GABBR1: variants seen among roughly 807,000 people sequenced by gnomAD.
GABBR1 encodes GABA-B receptor, R1 subunit.
A neutral mutation model predicts 117.7 loss-of-function variants in GABBR1; 35 were observed. The observed-to-expected ratio is 0.30, with a 90% CI of 0.23 to 0.39. GABBR1 has a LOEUF of 0.39. Among genes scored for constraint, GABBR1 ranks in the 10% least tolerant of loss-of-function variants. GABBR1 has a pLI of 1.00. For synonymous variants in GABBR1, 442 were observed against 486.6 expected (o/e 0.91, Z 1.21); for missense variants, 709 against 1,241.8 (o/e 0.57, Z 6.45).
chr6:29,624,112 G>T, intron 6 of GABBR1, 88 bp from the exon 7 acceptor site: 1 of 1,294,532 alleles, frequency 7.7e-7, no homozygotes, highest in Non-Finnish European at 1.0e-6. Context: ...GAACAAATTA[G>T]TTCCTTTCTC....
rs1765068357 is a variant in GABBR1, at chr6:29,632,265, C to G, written c.85+36G>C. The stretch of plus-strand genomic sequence containing the variant: ...GAGATGCAGGGAAAGGGAAGTGGAG[C>G]GAAGGAGGGCCGGAGGTCGTCGAAG... On this transcript the variant is annotated intron_variant, in intron 2 of 22. Transcript: ENST00000377034. This position sits in a 1 kb window ranked among gnomAD's most constrained non-coding sequence, Gnocchi z 5.8. 2 of 1,241,070 alleles carry G rather than the reference C, an allele frequency of 1.6e-6. No individual in the cohort carries two copies. Among genetic ancestry groups the G allele is most frequent in the Non-Finnish European group, 2.1e-6 (2 of 936,164 alleles). The allele number at this position is 1,241,070 out of a possible 1,614,324, so 76.9% of individuals were successfully genotyped here. A position where few individuals can be genotyped will look rare whatever the true frequency, so the allele number is the denominator to read the frequency against.
At chr6:29,612,526 G>A (rs779237735) in intron 13 of GABBR1, 25 bp downstream of exon 13, 19 of 1,608,184 alleles carry the variant, frequency 1.2e-5, no homozygotes, top group African/African-American at 2.7e-5. Flanking sequence ...CCCCATGTCC[G>A]GTCCCCTCCT....
intron 4 of GABBR1, among the ~76,000 whole-genome samples, chr6:29,629,405 G>A (rs56393713): frequency 0.04 from 6,143 of 152,150 alleles, 205 homozygotes; most frequent in East Asian, 0.11. Flanking sequence ...AAAATTGGGA[G>A]TCTTTAAGAA....
chr6:29,613,349 C>T lies in GABBR1; in HGVS notation c.1460G>A (p.Gly487Glu), dbSNP rs1762753459. The T allele has an allele frequency of 6.2e-7, 1 of 1,613,108 alleles. No homozygotes were observed. The highest frequency in any genetic ancestry group is 1.1e-5 in the South Asian group (1 of 91,080). ...CAGGCGCACACCAGAACGGCCGCCT[C>T]CTCCAGATGTCTTGTTCAGGGCCAG... Reference protein sequence around the residue: ...LALALNKTSGGGGRSGVRLED... With the variant: ...LALALNKTSGEGGRSGVRLED... Residue 487 changes from glycine (G) to glutamate (E), a missense_variant, in exon 12 of 23, where the codon GGA (glycine) becomes GAA (glutamate). By Grantham distance (98) the Gly-to-Glu change is moderately conservative. Transcript: ENST00000377034. The surrounding 1 kb of genome is among the most constrained non-coding windows in gnomAD (Gnocchi z 4.1).
chr6:29,625,191 TCAA>T (rs376852774), intron 6 of GABBR1, among the ~76,000 whole-genome samples: 15 of 152,014 alleles, frequency 9.9e-5, no homozygotes, highest in African/African-American at 3.4e-4. Context: ...AGGGCAGTGC[TCAA>T]CAACATTGGA....
chr6:29,632,196 T>C lies in GABBR1; in HGVS notation c.85+105A>G. 3 of 665,022 alleles carry C rather than the reference T, an allele frequency of 4.5e-6. No homozygotes were observed. The highest frequency in any genetic ancestry group is 7.0e-6 in the Non-Finnish European group (3 of 427,976). The allele number at this position is 665,022 out of a possible 1,614,324, so 41.2% of individuals were successfully genotyped here. ...AGCAGAAGGGGTTGCCAGACCGGGA[T>C]GATATGTGGGACTGATGGGATAGTG... On this transcript the variant is annotated intron_variant, in intron 2 of 22. Transcript: ENST00000377034. This position sits in a 1 kb window ranked among gnomAD's most constrained non-coding sequence, Gnocchi z 5.8.
chr6:29,603,513 C>A lies in GABBR1; in HGVS notation c.*30G>T, dbSNP rs552006062. The A allele has an allele frequency of 3.3e-6, 5 of 1,535,568 alleles. No homozygotes were observed. Among genetic ancestry groups the A allele is most frequent in the South Asian group, 2.5e-5 (2 of 81,554 alleles). On this transcript the variant is annotated 3_prime_UTR_variant, in exon 23 of 23. Transcript: ENST00000377034. ...CCCTTCCCCTCTCCCTTTCCCTCCCCCTACTGGCCTGTCCTCCCTCACCCT... is the reference window on the plus strand; with the variant it reads ...CCCTTCCCCTCTCCCTTTCCCTCCCACTACTGGCCTGTCCTCCCTCACCCT...
At chr6:29,617,301 C>CTTTTTTTTTTTTTT (rs373993426) in intron 11 of GABBR1, among the ~76,000 whole-genome samples, 6 of 119,860 alleles carry the variant, frequency 5.0e-5, no homozygotes, top group South Asian at 2.8e-4. Context: ...TTCTTTCTTT[C>CTTTTTTTTTTTTTT]TTTTTTTTTT....
intron 6 of GABBR1, among the ~76,000 whole-genome samples, chr6:29,625,355 G>A (rs750107297): frequency 3.3e-5 from 5 of 152,110 alleles, no homozygotes; most frequent in Non-Finnish European, 5.9e-5. Flanking sequence ...CTTCTCTAAA[G>A]ACAGGGTTAA....
At position 29,606,937 on chromosome 6, in the gene GABBR1, G is replaced by A. The variant is rs765209352; in HGVS notation, c.2177C>T (p.Ala726Val). ...LLVGMDVLTLAIWQIVDPLHR... is the reference protein window; with the variant it reads ...LLVGMDVLTLVIWQIVDPLHR... ...CAGAGGGTCCACGATCTGCCAGATG[G>A]CGAGAGTGAGGACATCCATGCCCAC... is the stretch of plus-strand genomic sequence containing the variant. The change falls in exon 18 of 23, where the codon GCC becomes GTC. Residue 726 changes from alanine (A) to valine (V), a missense_variant. Coordinates refer to ENST00000377034, the MANE Select transcript of GABBR1 (RefSeq NM_001470.4). The surrounding 1 kb of genome is among the most constrained non-coding windows in gnomAD (Gnocchi z 4.5). The A allele has an allele frequency of 1.1e-5, 17 of 1,614,120 alleles. No homozygotes were observed. In the African/African-American group the frequency reaches 1.2e-4, roughly 11 times the overall value.
chr6:29,630,634 C>G lies in GABBR1; in HGVS notation c.299G>C (p.Cys100Ser). Reference protein sequence around the residue: ...MDTPSRCVRICSKSYLTLENG... With the variant: ...MDTPSRCVRISSKSYLTLENG... ...TTCCAGGGTCAAATAAGACTTGGAG[C>G]AGATTCGGACTGTGGAGAGATAGGA... The change falls in exon 4 of 23, where the codon TGC (cysteine) becomes TCC (serine). Residue 100 changes from cysteine (C) to serine (S), a missense_variant. By Grantham distance (112) the Cys-to-Ser change is moderately radical. Coordinates refer to ENST00000377034, the MANE Select transcript of GABBR1 (RefSeq NM_001470.4). This position sits in a 1 kb window ranked among gnomAD's most constrained non-coding sequence, Gnocchi z 4.9. 1 of 1,609,800 alleles carries G rather than the reference C, an allele frequency of 6.2e-7. No homozygotes were observed. Among genetic ancestry groups the G allele is most frequent in the Non-Finnish European group, 8.5e-7 (1 of 1,177,228 alleles).
Position 29,604,404 on chromosome 6 carries a change from T to C in GABBR1, c.2712+90A>G. 1 of 1,519,610 alleles carries C rather than the reference T, an allele frequency of 6.6e-7. No homozygotes were observed. Among genetic ancestry groups the C allele is most frequent in the Non-Finnish European group, 9.1e-7 (1 of 1,098,556 alleles). The allele number at this position is 1,519,610 out of a possible 1,614,324, so 94.1% of individuals were successfully genotyped here. A position where few individuals can be genotyped will look rare whatever the true frequency, so the allele number is the denominator to read the frequency against. On this transcript the variant is annotated intron_variant, in intron 22 of 22. Coordinates refer to ENST00000377034, the MANE Select transcript of GABBR1 (RefSeq NM_001470.4). This position sits in a 1 kb window ranked among gnomAD's most constrained non-coding sequence, Gnocchi z 5.3. ...TCCATGAGCCAAGAACATCTGACCC[T>C]GTATCTCAGGCTTGGCTTCAGACAA... is the stretch of plus-strand genomic sequence containing the variant.
Position 29,604,380 on chromosome 6 carries a change from C to G in GABBR1, c.2712+114G>C. 1.5e-6 allele frequency: 2 copies of G among 1,345,800 alleles called. No individual in the cohort carries two copies. Among genetic ancestry groups the G allele is most frequent in the Non-Finnish European group, 2.1e-6 (2 of 947,862 alleles). 83.4% of individuals were successfully genotyped at this position (1,345,800 alleles called of 1,614,324 possible). ...CAGGTTGTCTCCTAGGACCCTCCCT[C>G]CATGAGCCAAGAACATCTGACCCTG... On this transcript the variant is annotated intron_variant, in intron 22 of 22. Transcript: ENST00000377034. The surrounding 1 kb of genome is among the most constrained non-coding windows in gnomAD (Gnocchi z 5.3).
At chr6:29,625,768 C>T (rs1764210621) in intron 6 of GABBR1, among the ~76,000 whole-genome samples, 1 of 151,958 alleles carries the variant, frequency 6.6e-6, no homozygotes, top group South Asian at 2.1e-4. Context: ...CACAGCCAGG[C>T]CTCCCCTATC....
chr6:29,608,689 A>G lies in GABBR1; in HGVS notation c.1904T>C (p.Val635Ala). 1.2e-6 allele frequency: 2 copies of G among 1,613,116 alleles called. No homozygotes were observed. The highest frequency in any genetic ancestry group is 1.7e-6 in the Non-Finnish European group (2 of 1,180,010). Residue 635 changes from valine (V) to alanine (A), a missense_variant, in exon 16 of 23, where the codon GTG becomes GCG. This residue lies in a region of GABBR1 where 251 missense variants were observed against 445.3 expected (regional missense o/e 0.56). Transcript: ENST00000377034. ...SQPNLNNLTA[V>A]GCSLALAAVF... is the part of the protein sequence containing the mutation. ...AGCAGCTAAAGCCAGTGAGCAGCCCACAGCAGTCAGGTTGTTCAGGTTGGG... is the reference window on the plus strand; with the variant it reads ...AGCAGCTAAAGCCAGTGAGCAGCCCGCAGCAGTCAGGTTGTTCAGGTTGGG...
At position 29,632,604 on chromosome 6, in the gene GABBR1, GC is replaced by G; in HGVS notation, c.1-220del. ...CCCCACCCTCCTCCTGCCTCCCTCG[GC>G]CCCCAACCCTCCCGGGACTCCACCT... is the stretch of plus-strand genomic sequence containing the variant. On this transcript the variant is annotated intron_variant, in intron 1 of 22. Transcript: ENST00000377034. The surrounding 1 kb of genome is among the most constrained non-coding windows in gnomAD (Gnocchi z 5.8). 2 of 1,221,328 alleles carry G rather than the reference GC, an allele frequency of 1.6e-6. No homozygotes were observed. Among genetic ancestry groups the G allele is most frequent in the Non-Finnish European group, 2.2e-6 (2 of 901,760 alleles). 75.7% of individuals were successfully genotyped at this position (1,221,328 alleles called of 1,614,324 possible).
Position 29,630,366 on chromosome 6 carries a change from C to G in GABBR1, c.475+92G>C. 8.6e-7 allele frequency: 1 copy of G among 1,164,200 alleles called. No individual in the cohort carries two copies. Among genetic ancestry groups the G allele is most frequent in the South Asian group, 1.4e-5 (1 of 72,406 alleles). The allele number at this position is 1,164,200 out of a possible 1,614,324, so 72.1% of individuals were successfully genotyped here. A position where few individuals can be genotyped will look rare whatever the true frequency, so the allele number is the denominator to read the frequency against. Reference sequence around the variant, plus strand: ...AGTGTCCTCCCCCACATTTTTATAGCTCTCCATTCTTTCCCATTATCCATT... The same window carrying G: ...AGTGTCCTCCCCCACATTTTTATAGGTCTCCATTCTTTCCCATTATCCATT... On this transcript the variant is annotated intron_variant, in intron 4 of 22. Transcript: ENST00000377034. The surrounding 1 kb of genome is among the most constrained non-coding windows in gnomAD (Gnocchi z 4.9).
Position 29,627,455 on chromosome 6 carries a change from A to ACCACCC in GABBR1, c.657+30_657+31insGGGTGG. 1 of 341,714 alleles carries ACCACCC rather than the reference A, an allele frequency of 2.9e-6. No individual in the cohort carries two copies. The highest frequency in any genetic ancestry group is 4.7e-6 in the Non-Finnish European group (1 of 213,544). 21.2% of individuals were successfully genotyped at this position (341,714 alleles called of 1,614,324 possible). On this transcript the variant is annotated intron_variant, in intron 6 of 22. Coordinates refer to ENST00000377034, the MANE Select transcript of GABBR1 (RefSeq NM_001470.4). The surrounding 1 kb of genome is among the most constrained non-coding windows in gnomAD (Gnocchi z 4.4). Reference sequence around the variant, plus strand: ...CTGGCCCCCTGCCCCGCAAGCCCCCACCTCCCACCCACCCCCATGTCCAGG... The same window carrying ACCACCC: ...CTGGCCCCCTGCCCCGCAAGCCCCCACCACCCCCTCCCACCCACCCCCATGTCCAGG...
chr6:29,626,271 A>C (rs987411749), intron 6 of GABBR1, among the ~76,000 whole-genome samples: 1 of 152,020 alleles, frequency 6.6e-6, no homozygotes, highest in Non-Finnish European at 1.5e-5. Flanking sequence ...ACACACACCT[A>C]TTTCTAGGTG....
Sources: allele counts gnomAD v4.1 joint callset (sites outside exome capture counted in the v4.1 genomes callset), GRCh38; gene constraint gnomAD v4.1.1; regional missense constraint gnomAD v4.1.1; non-coding constraint Gnocchi (gnomAD v3.1); transcripts MANE v1.5; gene names NCBI Gene and HGNC (gene_info 2026-07-23, HGNC 2026-07-21).